Variants in FBXO11 observed in about 807,000 individuals in gnomAD.
FBXO11 encodes F-box protein 11, also known as F-box only protein 11.
A neutral mutation model predicts 117.0 loss-of-function variants in FBXO11; 13 were observed. That is an observed-to-expected ratio of 0.11 (90% CI 0.07 to 0.18). FBXO11 has a LOEUF of 0.18. Among genes scored for constraint, FBXO11 ranks in the 10% least tolerant of loss-of-function variants. The pLI is 1.00. For synonymous variants in FBXO11, 490 were observed against 380.5 expected, an observed-to-expected ratio of 1.29 and a Z score of -3.35; for missense variants, 767 against 1,164.4, an observed-to-expected ratio of 0.66 and a Z score of 4.97.
chr2:47,888,185 A>C (rs1677008883), intron 1 of FBXO11, among the ~76,000 whole-genome samples: 1 of 152,180 alleles, frequency 6.6e-6, no homozygotes, highest in Admixed American at 6.5e-5. Context: ...TGTAACCATA[A>C]ACAGATCAGT....
chr2:47,882,596 A>C (rs183741998), intron 1 of FBXO11, among the ~76,000 whole-genome samples: 1 of 152,056 alleles, frequency 6.6e-6, no homozygotes, highest in Non-Finnish European at 1.5e-5. Context: ...TGTGTCTCTT[A>C]TTATGTTTTC....
In FBXO11 at chr2:47,808,714, G is replaced by A. The variant is rs573637601; in HGVS notation, c.2556-287C>T. On this transcript the variant is annotated intron_variant, in intron 21 of 22. Transcript: ENST00000403359. ...TGGGCTGAAAACAATTTTTGGAGGCGTGAAGAGTCAAAACTGTCACAGTGA... is the reference window on the plus strand; with the variant it reads ...TGGGCTGAAAACAATTTTTGGAGGCATGAAGAGTCAAAACTGTCACAGTGA... 118 of 341,874 alleles carry A rather than the reference G, an allele frequency of 3.5e-4. 1 individual carries two copies. The highest frequency in any genetic ancestry group is 5.4e-4 in the Non-Finnish European group (102 of 189,000). 21.2% of individuals were successfully genotyped at this position (341,874 alleles called of 1,614,324 possible).
Position 47,905,514 on chromosome 2 carries a change from C to G in FBXO11, c.207G>C (p.Gln69His). ...PPPPPPPPLP[Q>H]ERNNVGERDD... ...CCCGCTCGCCGACGTTGTTCCGCTC[C>G]TGAGGCAGCGGCGGAGGCGGCGGTG... is the stretch of plus-strand genomic sequence containing the variant. Residue 69 changes from glutamine to histidine, a missense_variant, in exon 1 of 23, where the codon CAG becomes CAC. By Grantham distance (24) the Gln-to-His change is conservative (BLOSUM62 0). Around this residue, in one of 10 missense-constraint regions of FBXO11, gnomAD observed 355 missense variants for 299.8 expected, o/e 1.18. Transcript: ENST00000403359. 1 of 1,234,182 alleles carries G rather than the reference C, an allele frequency of 8.1e-7. No homozygotes were observed. The highest frequency in any genetic ancestry group is 1.0e-6 in the Non-Finnish European group (1 of 990,736). 76.5% of individuals were successfully genotyped at this position (1,234,182 alleles called of 1,614,324 possible).
intron 1 of FBXO11, among the ~76,000 whole-genome samples, chr2:47,893,208 G>A (rs1387022306): frequency 2.0e-5 from 3 of 150,952 alleles, no homozygotes; most frequent in Admixed American, 6.6e-5. Flanking sequence ...ATACCAGACC[G>A]TGGGGGTCAA....
At chr2:47,900,403 C>A (rs1208166465) in intron 1 of FBXO11, among the ~76,000 whole-genome samples, 1 of 151,850 alleles carries the variant, frequency 6.6e-6, no homozygotes, top group African/African-American at 2.4e-5. Context: ...TGCACAGGAT[C>A]CATGAAGTTA....
intron 1 of FBXO11, among the ~76,000 whole-genome samples, chr2:47,871,907 T>C (rs1282543215): frequency 6.6e-6 from 1 of 152,258 alleles, no homozygotes; most frequent in Non-Finnish European, 1.5e-5. Context: ...AACATTTCTA[T>C]ACGTTCCACA....
intron 1 of FBXO11, among the ~76,000 whole-genome samples, chr2:47,894,323 C>G (rs747369629): frequency 6.1e-4 from 93 of 151,936 alleles, no homozygotes; most frequent in Non-Finnish European, 6.5e-4. Context: ...TATTGTAAGA[C>G]AATAAAGGGT....
intron 1 of FBXO11, among the ~76,000 whole-genome samples, chr2:47,848,510 CAA>C (rs1558439292): frequency 1.3e-5 from 2 of 152,034 alleles, no homozygotes; most frequent in South Asian, 4.1e-4. Flanking sequence ...TCATTGGTGC[CAA>C]AAAAGGTTGG....
intron 1 of FBXO11, among the ~76,000 whole-genome samples, chr2:47,878,989 C>T (rs1487505253): frequency 6.9e-6 from 1 of 144,990 alleles, no homozygotes; most frequent in African/African-American, 2.6e-5. Flanking sequence ...ACAAAAAAGC[C>T]TCCCTCCCAA....
Position 47,808,563 on chromosome 2 carries a change from A to T in FBXO11, c.2556-136T>A, listed in dbSNP as rs571752775. ...TTCTTTGTGGCTCCAGCCCAGATTA[A>T]TTCTGAAAAGGAACTTTAATGGAGT... On this transcript the variant is annotated intron_variant, in intron 21 of 22. Coordinates refer to ENST00000403359, the MANE Select transcript of FBXO11 (RefSeq NM_001190274.2). 19 of 639,726 alleles carry T rather than the reference A, an allele frequency of 3.0e-5. No homozygotes were observed. The Admixed American group carries it at 5.8e-4, about 20-fold the overall frequency. 39.6% of individuals were successfully genotyped at this position (639,726 alleles called of 1,614,324 possible). A position where few individuals can be genotyped will look rare whatever the true frequency, so the allele number is the denominator to read the frequency against.
chr2:47,820,549 T>C (rs966896051), intron 13 of FBXO11, 93 bp from the exon 14 acceptor site: 3 of 876,628 alleles, frequency 3.4e-6, no homozygotes, highest in African/African-American at 3.4e-5. Context: ...ATTCTTACAC[T>C]AGAATTTTAG....
At position 47,809,250 on chromosome 2, in the gene FBXO11, G is replaced by A. The variant is rs377087158; in HGVS notation, c.2463C>T (p.Asn821=). The part of the protein sequence containing the change: ...NVTMKDNKIM[N]NQDAIEKAVS... The stretch of plus-strand genomic sequence containing the variant: ...CAGCCTTTTCTATGGCATCTTGATT[G>A]TTCATTATTTTGTTATCTGTAATAA... The change falls in exon 21 of 23, where the codon AAC becomes AAT. Residue 821 remains asparagine (N), a synonymous_variant. Coordinates refer to ENST00000403359, the MANE Select transcript of FBXO11 (RefSeq NM_001190274.2). The A allele has an allele frequency of 2.8e-5, 44 of 1,584,750 alleles. No homozygotes were observed. The highest frequency in any genetic ancestry group is 3.4e-6 in the Non-Finnish European group (4 of 1,160,766).
At chr2:47,896,522 G>A (rs1261888916) in intron 1 of FBXO11, among the ~76,000 whole-genome samples, 2 of 152,008 alleles carry the variant, frequency 1.3e-5, no homozygotes, top group Admixed American at 6.6e-5. Flanking sequence ...TAGAGACGGG[G>A]TTTCGCCATG....
rs780989806 is a variant in FBXO11, at chr2:47,832,527, A to T, written c.1261-41T>A. Reference sequence around the variant, plus strand: ...AGAAACAAACATCAGTAGAGCTTTTAAACATTTTCTAAAAAGAAAAAAACC... The same window carrying T: ...AGAAACAAACATCAGTAGAGCTTTTTAACATTTTCTAAAAAGAAAAAAACC... On this transcript the variant is annotated intron_variant, in intron 10 of 22. Transcript: ENST00000403359. 8.7e-6 allele frequency: 14 copies of T among 1,608,544 alleles called. No individual in the cohort carries two copies. The East Asian group carries it at 2.9e-4, about 33-fold the overall frequency.
intron 1 of FBXO11, among the ~76,000 whole-genome samples, chr2:47,860,033 A>G (rs545386628): frequency 1.4e-4 from 21 of 152,260 alleles, no homozygotes; most frequent in Non-Finnish European, 2.8e-4. Flanking sequence ...TCTCTGATAA[A>G]CCGATAAAAT....
chr2:47,849,060 G>A (rs562973094), intron 1 of FBXO11, among the ~76,000 whole-genome samples: 8 of 152,236 alleles, frequency 5.3e-5, no homozygotes, highest in African/African-American at 1.9e-4. Flanking sequence ...ACAACTTTGT[G>A]TTTAGAAACA....
In FBXO11 at chr2:47,809,237, T is replaced by C; in HGVS notation, c.2476A>G (p.Ile826Val). 2 of 1,602,096 alleles carry C rather than the reference T, an allele frequency of 1.2e-6. No homozygotes were observed. Among genetic ancestry groups the C allele is most frequent in the Non-Finnish European group, 1.7e-6 (2 of 1,171,148 alleles). The change falls in exon 21 of 23, where the codon ATA (isoleucine) becomes GTA (valine). Residue 826 changes from isoleucine to valine, a missense_variant. By Grantham distance (29) the Ile-to-Val change is conservative (BLOSUM62 3). This residue lies in a region of FBXO11 where 66 missense variants were observed against 82.7 expected (regional missense o/e 0.80). Transcript: ENST00000403359. Reference sequence around the variant, plus strand: ...TGGCCTCTACTAACAGCCTTTTCTATGGCATCTTGATTGTTCATTATTTTG... The same window carrying C: ...TGGCCTCTACTAACAGCCTTTTCTACGGCATCTTGATTGTTCATTATTTTG... ...DNKIMNNQDAIEKAVSRGQCL... is the reference protein window; with the variant it reads ...DNKIMNNQDAVEKAVSRGQCL...
chr2:47,853,921 A>G (rs112002383), intron 1 of FBXO11, among the ~76,000 whole-genome samples: 2,053 of 152,346 alleles, frequency 0.013, 34 homozygotes, highest in African/African-American at 0.045. Flanking sequence ...AATACTACTC[A>G]TGACAGGTAT....
chr2:47,893,786 A>G (rs1258415404), intron 1 of FBXO11, among the ~76,000 whole-genome samples: 1 of 152,236 alleles, frequency 6.6e-6, no homozygotes, highest in South Asian at 2.1e-4. Context: ...CCACTCTGGA[A>G]AAAGGGAAGA....
Sources: gnomAD v4.1 joint callset for allele counts (sites outside exome capture counted in the v4.1 genomes callset) on GRCh38, gnomAD v4.1.1 for gene constraint, gnomAD v4.1.1 regional missense constraint, MANE v1.5 for transcripts, NCBI Gene and HGNC (gene_info 2026-07-23, HGNC 2026-07-21) for gene names.